Variants in SHANK2 observed in about 807,000 individuals in gnomAD.
SHANK2 encodes the protein SH3 and multiple ankyrin repeat domains 2.
A neutral mutation model predicts 133.7 loss-of-function variants in SHANK2; 43 were observed. That is an observed-to-expected ratio of 0.32 (90% CI 0.25 to 0.41). The LOEUF (loss-of-function observed/expected upper bound fraction) is 0.41, where lower values mean the gene tolerates loss of function less well. Ranked by LOEUF, SHANK2 falls within the 10% of genes least tolerant of loss-of-function variation. The pLI is 1.00. For missense variants in SHANK2, 1,994 were observed against 2,235.8 expected (o/e 0.89, Z 2.18); for synonymous variants, 1,017 against 952.8 (o/e 1.07, Z -1.24).
intron 23 of SHANK2, chr11:70,489,628 C>G (rs2058857491): frequency 3.8e-6 from 2 of 528,434 alleles, no homozygotes; most frequent in South Asian, 4.2e-5. Flanking sequence ...TCTCACAGGG[C>G]AAGGGCCTTA....
chr11:70,501,958 C>G, intron 19 of SHANK2, 27 bp from the exon 20 acceptor site: 3 of 1,555,036 alleles, frequency 1.9e-6, no homozygotes, highest in Non-Finnish European at 2.6e-6. Flanking sequence ...AAATTCAAAA[C>G]AAAACAATGT....
At chr11:70,668,814 G>C (rs1944733854) in intron 15 of SHANK2, 1 of 152,370 alleles carries the variant, frequency 6.6e-6, no homozygotes, top group African/African-American at 2.4e-5. Flanking sequence ...AGCCGGCCCT[G>C]ATGTCTGAAG....
intron 11 of SHANK2, among the ~76,000 whole-genome samples, chr11:70,880,125 A>G (rs1469561120): frequency 1.3e-5 from 2 of 152,154 alleles, no homozygotes; most frequent in Non-Finnish European, 2.9e-5. Flanking sequence ...CAGGCACCCC[A>G]ATGTCTATCC....
At chr11:70,871,657 G>T (rs1432509895) in intron 11 of SHANK2, among the ~76,000 whole-genome samples, 1 of 152,208 alleles carries the variant, frequency 6.6e-6, no homozygotes, top group Non-Finnish European at 1.5e-5. Context: ...TGATGGAGAA[G>T]AAAGTCAAGA....
chr11:71,171,903 C>T (rs564343297), intron 2 of SHANK2, among the ~76,000 whole-genome samples: 78 of 150,468 alleles, frequency 5.2e-4, no homozygotes, highest in African/African-American at 1.7e-3. Context: ...GTCACGGCTT[C>T]CACGGAGGAA....
chr11:71,153,123 C>G (rs183938731), intron 2 of SHANK2, among the ~76,000 whole-genome samples: 1 of 152,234 alleles, frequency 6.6e-6, no homozygotes, highest in East Asian at 1.9e-4. Flanking sequence ...TCTCTAACCC[C>G]GTGAGGACCA....
chr11:70,817,784 G>A (rs1948430780), intron 12 of SHANK2, among the ~76,000 whole-genome samples: 1 of 152,232 alleles, frequency 6.6e-6, no homozygotes, highest in African/African-American at 2.4e-5. Context: ...ACTCAGGCCG[G>A]AGTGCAGTGG....
In SHANK2 at chr11:70,486,642, G is replaced by A; in HGVS notation, c.3651C>T (p.Ala1217=). ...CTCGGTCCCTTGCGGAGAGTGCCAGGGCCAGCGGGGAGCTGGGATCAAGCA... is the reference window on the plus strand; with the variant it reads ...CTCGGTCCCTTGCGGAGAGTGCCAGAGCCAGCGGGGAGCTGGGATCAAGCA... ...GRLLDPSSPL[A]LALSARDRAM... Residue 1217 remains alanine (A), a synonymous_variant, in exon 25 of 26, where the codon GCC becomes GCT. Transcript: ENST00000601538. This position sits in a 1 kb window ranked among gnomAD's most constrained non-coding sequence, Gnocchi z 8.0. 6.2e-7 allele frequency: 1 copy of A among 1,612,796 alleles called. No individual in the cohort carries two copies. The highest frequency in any genetic ancestry group is 1.7e-5 in the Admixed American group (1 of 60,028).
At chr11:70,876,402 T>C (rs1949565810) in intron 11 of SHANK2, among the ~76,000 whole-genome samples, 2 of 149,120 alleles carry the variant, frequency 1.3e-5, no homozygotes, top group South Asian at 2.1e-4. Flanking sequence ...CTACTAAAAA[T>C]ACAAAAAATT....
At chr11:70,805,359 G>C (rs1367675534) in intron 13 of SHANK2, among the ~76,000 whole-genome samples, 1 of 152,216 alleles carries the variant, frequency 6.6e-6, no homozygotes, top group Non-Finnish European at 1.5e-5. Context: ...GGGCCTAGGG[G>C]GTGGCCCTGA....
At chr11:70,896,326 A>G (rs782376949) in intron 11 of SHANK2, 175 bp downstream of exon 11, 50 of 563,464 alleles carry the variant, frequency 8.9e-5, no homozygotes, top group Non-Finnish European at 1.4e-4. Context: ...CATCCCCACT[A>G]TAAGTTAAAA....
At chr11:70,491,207 C>A (rs555948171) in intron 22 of SHANK2, among the ~76,000 whole-genome samples, 1 of 152,228 alleles carries the variant, frequency 6.6e-6, no homozygotes. Flanking sequence ...TGGAAATATT[C>A]GTGTGCAAGC....
At chr11:70,770,863 C>CCTGGT (rs1273255639) in intron 14 of SHANK2, among the ~76,000 whole-genome samples, 4 of 150,894 alleles carry the variant, frequency 2.7e-5, no homozygotes, top group Admixed American at 2.0e-4. Flanking sequence ...TCTGCAGGAC[C>CCTGGT]CTGGTAGTCA....
intron 16 of SHANK2, 76 bp downstream of exon 16, chr11:70,661,519 AC>A: frequency 4.3e-5 from 12 of 279,834 alleles, no homozygotes; most frequent in Admixed American, 1.0e-4. Context: ...ACACACACAC[AC>A]ACACACACAC....
At chr11:70,708,711 G>A (rs1406756762) in intron 14 of SHANK2, among the ~76,000 whole-genome samples, 1 of 152,166 alleles carries the variant, frequency 6.6e-6, no homozygotes, top group Non-Finnish European at 1.5e-5. Context: ...GCTCCTCCAA[G>A]CCCTTTGAGG....
chr11:71,245,890 C>T (rs1954954338), intron 1 of SHANK2, among the ~76,000 whole-genome samples: 1 of 152,230 alleles, frequency 6.6e-6, no homozygotes, highest in East Asian at 1.9e-4. Flanking sequence ...AGACAGGAGC[C>T]CGGCTGGCCC....
chr11:70,783,566 G>C (rs995001733), intron 14 of SHANK2, among the ~76,000 whole-genome samples: 26 of 152,242 alleles, frequency 1.7e-4, no homozygotes, highest in Non-Finnish European at 3.2e-4. Flanking sequence ...AGAGTCCCAC[G>C]ACACTGTCTG....
intron 15 of SHANK2, among the ~76,000 whole-genome samples, chr11:70,691,914 T>TA (rs1945296791): frequency 1.3e-5 from 2 of 151,734 alleles, no homozygotes; most frequent in South Asian, 2.1e-4. Context: ...AAATAAATAG[T>TA]AAAAAAATAA....
intron 11 of SHANK2, among the ~76,000 whole-genome samples, chr11:70,824,164 T>C (rs1233527402): frequency 2.6e-5 from 4 of 151,874 alleles, no homozygotes; most frequent in African/African-American, 9.7e-5. Flanking sequence ...GGGAGACAGT[T>C]GTGACCCGGC....
Sources: allele counts gnomAD v4.1 joint callset (sites outside exome capture counted in the v4.1 genomes callset), GRCh38; gene constraint gnomAD v4.1.1; non-coding constraint Gnocchi (gnomAD v3.1); transcripts MANE v1.5; gene names NCBI Gene and HGNC (gene_info 2026-07-23, HGNC 2026-07-21).